Variants in NCOR1 observed in about 807,000 individuals in gnomAD.
The protein encoded by NCOR1 is nuclear receptor corepressor 1.
Under a neutral mutation model 288.1 loss-of-function variants are expected in NCOR1, and 63 were observed. The ratio of observed to expected loss-of-function variants is 0.22; its 90% CI spans 0.18 to 0.27. The LOEUF (loss-of-function observed/expected upper bound fraction) is 0.27. Among genes scored for constraint, NCOR1 ranks in the 10% least tolerant of loss-of-function variants. The pLI is 1.00. For missense variants in NCOR1, 2,397 were observed against 3,019.2 expected (o/e 0.79, Z 4.83); for synonymous variants, 1,007 against 1,065.9 (o/e 0.94, Z 1.08).
intron 11 of NCOR1, among the ~76,000 whole-genome samples, chr17:16,141,193 T>C (rs544394060): frequency 1.3e-5 from 2 of 152,242 alleles, no homozygotes; most frequent in East Asian, 3.9e-4. Flanking sequence ...TCTCTAGAAA[T>C]GGCTAAGATC....
intron 2 of NCOR1, among the ~76,000 whole-genome samples, chr17:16,193,088 A>G (rs201824859): frequency 4.6e-5 from 7 of 152,174 alleles, no homozygotes; most frequent in African/African-American, 1.4e-4. Context: ...AGAACGTCCT[A>G]GAGTGTTAGA....
At chr17:16,067,864 C>T in intron 32 of NCOR1, 30 bp downstream of exon 32, 6 of 1,572,178 alleles carry the variant, frequency 3.8e-6, no homozygotes, top group Non-Finnish European at 5.2e-6. Flanking sequence ...TATTTATTTG[C>T]CATAAATTAT....
intron 14 of NCOR1, among the ~76,000 whole-genome samples, chr17:16,130,731 T>A (rs1230785801): frequency 2.6e-5 from 4 of 152,234 alleles, no homozygotes; most frequent in Admixed American, 1.3e-4. Context: ...TCACCCAGGC[T>A]GGAGTACAGC....
Position 16,171,884 on chromosome 17 carries a change from A to G in NCOR1, c.354T>C (p.His118=), listed in dbSNP as rs2083202532. 1 of 1,613,498 alleles carries G rather than the reference A, an allele frequency of 6.2e-7. No homozygotes were observed. Among genetic ancestry groups the G allele is most frequent in the Admixed American group, 1.7e-5 (1 of 59,958 alleles). The part of the protein sequence containing the change: ...RPRLEQVSDS[H]FQRVSAAVLP... ...AAACCGCAGCACTGACACGCTGAAA[A>G]TGAGAATCAGAAACCTGTTCCAGAC... The change falls in exon 4 of 46, where the codon CAT becomes CAC. Residue 118 remains histidine, a synonymous_variant. Coordinates refer to ENST00000268712, the MANE Select transcript of NCOR1 (RefSeq NM_006311.4).
Position 16,065,550 on chromosome 17 carries a change from G to C in NCOR1, c.4886C>G (p.Pro1629Arg). The C allele has an allele frequency of 6.2e-7, 1 of 1,614,192 alleles. No homozygotes were observed. The highest frequency in any genetic ancestry group is 8.5e-7 in the Non-Finnish European group (1 of 1,180,044). ...TGGGGAGAGTCCTCTGGCCACATCT[G>C]GACGCAAGTTCACTTGCATCTGTTG... ...TSQQMQVNLR[P>R]DVARGLSPRE... Residue 1629 changes from proline (P) to arginine (R), a missense_variant, in exon 33 of 46, where the codon CCA becomes CGA. Pro to Arg is a moderately radical substitution (Grantham distance 103). Transcript: ENST00000268712.
At position 16,171,885 on chromosome 17, in the gene NCOR1, T is replaced by C; in HGVS notation, c.353A>G (p.His118Arg). ...AACCGCAGCACTGACACGCTGAAAA[T>C]GAGAATCAGAAACCTGTTCCAGACG... ...RPRLEQVSDSHFQRVSAAVLP... is the reference protein window; with the variant it reads ...RPRLEQVSDSRFQRVSAAVLP... The change falls in exon 4 of 46, where the codon CAT becomes CGT. Residue 118 changes from histidine (H) to arginine (R), a missense_variant. Physicochemically the swap from His to Arg is conservative, Grantham distance 29 (BLOSUM62 0). Transcript: ENST00000268712. 6.2e-7 allele frequency: 1 copy of C among 1,613,322 alleles called. No individual in the cohort carries two copies. The highest frequency in any genetic ancestry group is 8.5e-7 in the Non-Finnish European group (1 of 1,179,676).
chr17:16,151,879 C>T, intron 8 of NCOR1, 67 bp downstream of exon 8: 1 of 1,213,880 alleles, frequency 8.2e-7, no homozygotes. Context: ...CAGCAGATAA[C>T]AAAAATGATC....
intron 18 of NCOR1, among the ~76,000 whole-genome samples, chr17:16,116,746 T>C (rs935287707): frequency 6.6e-6 from 1 of 152,166 alleles, no homozygotes; most frequent in African/African-American, 2.4e-5. Context: ...TCCCATTACA[T>C]GACACGAAGT....
At chr17:16,063,727 A>C (rs2060797078) in intron 35 of NCOR1, among the ~76,000 whole-genome samples, 1 of 152,150 alleles carries the variant, frequency 6.6e-6, no homozygotes, top group Non-Finnish European at 1.5e-5. Flanking sequence ...TTCCTCCTCT[A>C]AACTCAAGCT....
At chr17:16,147,042 TAATA>T (rs2078097290) in intron 9 of NCOR1, among the ~76,000 whole-genome samples, 2 of 152,214 alleles carry the variant, frequency 1.3e-5, no homozygotes, top group Non-Finnish European at 2.9e-5. Context: ...TTTTTTGCTA[TAATA>T]AATAATGCTA....
intron 1 of NCOR1, among the ~76,000 whole-genome samples, chr17:16,213,656 T>C (rs2092336168): frequency 6.6e-6 from 1 of 151,980 alleles, no homozygotes; most frequent in Non-Finnish European, 1.5e-5. Flanking sequence ...CTCACAGAAA[T>C]ATAACCCCTT....
In NCOR1 at chr17:16,080,466, G is replaced by C; in HGVS notation, c.3342C>G (p.Ser1114Arg). The C allele has an allele frequency of 6.2e-7, 1 of 1,614,134 alleles. No individual in the cohort carries two copies. The highest frequency in any genetic ancestry group is 8.5e-7 in the Non-Finnish European group (1 of 1,180,026). ...YIKQEEFSPRSQNSQPEGLLV... is the reference protein window; with the variant it reads ...YIKQEEFSPRRQNSQPEGLLV... Reference sequence around the variant, plus strand: ...ACAGACCCTCAGGTTGTGAGTTTTGGCTTCGGGGAGAAAATTCTTCCTGCT... The same window carrying C: ...ACAGACCCTCAGGTTGTGAGTTTTGCCTTCGGGGAGAAAATTCTTCCTGCT... The change falls in exon 25 of 46, where the codon AGC (serine) becomes AGG (arginine). Residue 1114 changes from serine to arginine, a missense_variant. Coordinates refer to ENST00000268712, the MANE Select transcript of NCOR1 (RefSeq NM_006311.4).
At chr17:16,172,293 T>C (rs537410433) in intron 3 of NCOR1, among the ~76,000 whole-genome samples, 1 of 151,776 alleles carries the variant, frequency 6.6e-6, no homozygotes, top group African/African-American at 2.4e-5. Flanking sequence ...GAGGTGGAGG[T>C]TGCAGTGAGC....
chr17:16,055,171 T>A (rs569645090), intron 40 of NCOR1, among the ~76,000 whole-genome samples: 10 of 152,326 alleles, frequency 6.6e-5, no homozygotes, highest in African/African-American at 2.4e-4. Context: ...ATCCCATTAC[T>A]GGGTATATAC....
chr17:16,171,015 T>C (rs2083049684), intron 4 of NCOR1, among the ~76,000 whole-genome samples: 1 of 152,072 alleles, frequency 6.6e-6, no homozygotes, highest in African/African-American at 2.4e-5. Context: ...CTTATCTTTG[T>C]ACAGCATGGC....
At chr17:16,121,687 T>C (rs1568156656) in intron 15 of NCOR1, among the ~76,000 whole-genome samples, 1 of 152,236 alleles carries the variant, frequency 6.6e-6, no homozygotes, top group Non-Finnish European at 1.5e-5. Context: ...CTAAAATAGA[T>C]GATCTTCATG....
rs563783794 is a variant in NCOR1 at position 16,194,434 on chromosome 17, T to G, written c.108+28A>C. On this transcript the variant is annotated intron_variant, in intron 2 of 45. Coordinates refer to ENST00000268712, the MANE Select transcript of NCOR1 (RefSeq NM_006311.4). Reference sequence around the variant, plus strand: ...AGTAAAGAAAAACACAAAAAACATGTGCAATTTGCATACTATCTGTTCCTT... The same window carrying G: ...AGTAAAGAAAAACACAAAAAACATGGGCAATTTGCATACTATCTGTTCCTT... 5 of 1,431,802 alleles carry G rather than the reference T, an allele frequency of 3.5e-6. No homozygotes were observed. The South Asian group carries it at 6.2e-5, about 18-fold the overall frequency. The allele number at this position is 1,431,802 out of a possible 1,614,324, so 88.7% of individuals were successfully genotyped here.
intron 1 of NCOR1, among the ~76,000 whole-genome samples, chr17:16,214,470 ATAAT>A (rs1398202781): frequency 6.6e-6 from 1 of 152,198 alleles, no homozygotes; most frequent in African/African-American, 2.4e-5. Flanking sequence ...TAATTAGGAT[ATAAT>A]TAGAGAAGCA....
At chr17:16,138,304 G>A (rs2153253975) in intron 12 of NCOR1, 92 bp from the exon 13 acceptor site, 1 of 1,133,390 alleles carries the variant, frequency 8.8e-7, no homozygotes. Context: ...CTATGTATAG[G>A]CTGGGCGTGG....
Sources: gnomAD v4.1 joint callset for allele counts (sites outside exome capture counted in the v4.1 genomes callset) on GRCh38, gnomAD v4.1.1 for gene constraint, MANE v1.5 for transcripts, NCBI Gene and HGNC (gene_info 2026-07-23, HGNC 2026-07-21) for gene names.